The following SPTAN1 variants were observed in gnomAD, a reference collection of about 807,000 sequenced individuals.
The protein encoded by SPTAN1 is spectrin alpha, non-erythrocytic 1.
Under a neutral mutation model 331.3 loss-of-function variants are expected in SPTAN1, and 61 were observed. The ratio of observed to expected loss-of-function variants is 0.18; its 90% CI spans 0.15 to 0.23. The LOEUF (loss-of-function observed/expected upper bound fraction) is 0.23, where lower values mean the gene tolerates loss of function less well. Ranked by LOEUF, SPTAN1 falls within the 10% of genes least tolerant of loss-of-function variation. The probability of loss-of-function intolerance (pLI) is 1.00; values close to 1 mark genes in which losing one functional copy is unlikely to be tolerated. For synonymous variants in SPTAN1, 1,153 were observed against 1,173.9 expected (o/e 0.98, Z 0.36); for missense variants, 2,043 against 3,147.9 (o/e 0.65, Z 8.40).
intron 31 of SPTAN1, among the ~76,000 whole-genome samples, chr9:128,606,155 A>G (rs1855817961): frequency 6.6e-6 from 1 of 151,860 alleles, no homozygotes; most frequent in Non-Finnish European, 1.5e-5. Flanking sequence ...GTGGATCACG[A>G]GGTCAGGAAT....
At chr9:128,568,736 G>C (rs776765827) in intron 2 of SPTAN1, 36 bp from the exon 3 acceptor site, 2 of 1,613,150 alleles carry the variant, frequency 1.2e-6, no homozygotes, top group South Asian at 2.2e-5. Context: ...ATGCTGTGTG[G>C]TTGCGTCTGA....
chr9:128,585,669 C>A, intron 18 of SPTAN1, 79 bp from the exon 19 acceptor site: 2 of 1,223,986 alleles, frequency 1.6e-6, no homozygotes, highest in Non-Finnish European at 2.4e-6. Context: ...GCCGTGAACA[C>A]ACAGAGAAAA....
rs1855686063 is a variant in SPTAN1 at position 128,605,311 on chromosome 9, G to C, written c.3880G>C (p.Glu1294Gln). ...CTTCCCATAGGTAAACTCCCTTGGT[G>C]AAACAGCAGAGCGCCTGATCCAGTC... ...ALGDKVNSLG[E>Q]TAERLIQSHP... is the part of the protein sequence containing the mutation. Residue 1294 changes from glutamate (E) to glutamine (Q), a missense_variant, in exon 31 of 57, where the codon GAA becomes CAA. By Grantham distance (29) the Glu-to-Gln change is conservative (BLOSUM62 2). Transcript: ENST00000372739. 6.2e-7 allele frequency: 1 copy of C among 1,614,068 alleles called. No individual in the cohort carries two copies. The highest frequency in any genetic ancestry group is 1.3e-5 in the African/African-American group (1 of 74,904).
chr9:128,585,645 A>G, intron 18 of SPTAN1, 103 bp from the exon 19 acceptor site: 1 of 963,038 alleles, frequency 1.0e-6, no homozygotes, highest in Non-Finnish European at 1.7e-6. Flanking sequence ...TCACCAAAAC[A>G]TAGTAATGAA....
At chr9:128,555,397 C>G in intron 1 of SPTAN1, 1 of 1,289,458 alleles carries the variant, frequency 7.8e-7, no homozygotes, top group Non-Finnish European at 1.0e-6. Context: ...ACGCAGAGTC[C>G]AGGTATTTGA....
chr9:128,613,324 C>A, intron 39 of SPTAN1, 57 bp from the exon 40 acceptor site: 1 of 1,490,606 alleles, frequency 6.7e-7, no homozygotes, highest in Non-Finnish European at 9.4e-7. Flanking sequence ...CTGAATTTTC[C>A]AGAATGCTGA....
At chr9:128,564,900 A>G (rs1451172089) in intron 1 of SPTAN1, among the ~76,000 whole-genome samples, 1 of 152,202 alleles carries the variant, frequency 6.6e-6, no homozygotes, top group Non-Finnish European at 1.5e-5. Flanking sequence ...CAGAAAGAAT[A>G]CTTCTATCCG....
intron 1 of SPTAN1, among the ~76,000 whole-genome samples, chr9:128,564,962 G>A (rs1420494424): frequency 6.6e-6 from 1 of 152,172 alleles, no homozygotes; most frequent in Non-Finnish European, 1.5e-5. Flanking sequence ...GGCATGTTGG[G>A]CCAGATTGTG....
chr9:128,617,549 ATGTC>A, intron 41 of SPTAN1, 87 bp from the exon 42 acceptor site: 1 of 1,586,842 alleles, frequency 6.3e-7, no homozygotes, highest in Non-Finnish European at 8.6e-7. Context: ...AGATTAGTAG[ATGTC>A]TGTGAGGTCC....
intron 31 of SPTAN1, among the ~76,000 whole-genome samples, chr9:128,606,365 ACT>A (rs1163707529): frequency 3.4e-5 from 1 of 29,390 alleles, no homozygotes; most frequent in Admixed American, 6.2e-4. Context: ...ATGGAGCAAG[ACT>A]CTGCCTCAAA....
chr9:128,582,439 A>C (rs774982753), intron 12 of SPTAN1, 40 bp from the exon 13 acceptor site: 1 of 1,573,568 alleles, frequency 6.4e-7, no homozygotes, highest in Admixed American at 1.7e-5. Context: ...GCTTGGGACT[A>C]GTGTGCTTAC....
intron 16 of SPTAN1, 143 bp from the exon 17 acceptor site, chr9:128,584,139 G>C (rs1589217781): frequency 6.8e-7 from 1 of 1,469,578 alleles, no homozygotes; most frequent in Non-Finnish European, 9.4e-7. Context: ...TCATCCCTTA[G>C]AGCTTTCTAG....
intron 2 of SPTAN1, 144 bp from the exon 3 acceptor site, chr9:128,568,628 G>T: frequency 8.9e-7 from 1 of 1,129,076 alleles, no homozygotes; most frequent in Non-Finnish European, 1.3e-6. Context: ...AATTGAGCAG[G>T]TAAGAGAATG....
Position 128,609,137 on chromosome 9 carries a change from A to G in SPTAN1, c.4611A>G (p.Lys1537=). ...ACTCTTTCAGGTGGCGACGTCTGAA[A>G]GCCCAGATGATTGAGAAAAGGTCAA... ...NEVLDRWRRL[K]AQMIEKRSKL... Residue 1537 remains lysine, a synonymous_variant, in exon 36 of 57, where the codon AAA becomes AAG. Coordinates refer to ENST00000372739, the MANE Select transcript of SPTAN1 (RefSeq NM_001130438.3). The G allele has an allele frequency of 6.2e-7, 1 of 1,614,218 alleles. No homozygotes were observed. Among genetic ancestry groups the G allele is most frequent in the Non-Finnish European group, 8.5e-7 (1 of 1,180,042 alleles).
chr9:128,560,913 G>A (rs562771052), intron 1 of SPTAN1, among the ~76,000 whole-genome samples: 16 of 151,294 alleles, frequency 1.1e-4, no homozygotes, highest in Admixed American at 5.3e-4. Flanking sequence ...CTACTGGGGA[G>A]GCTGAGGCAG....
At position 128,627,980 on chromosome 9, in the gene SPTAN1, T is replaced by TG. The variant is rs759866080; in HGVS notation, c.6707+43dup. Reference sequence around the variant, plus strand: ...TTCTTCCTTCTCTGGGCTTGTCATGTGGGGGTCTCGTGCGCTTGCCCCTCG... The same window carrying TG: ...TTCTTCCTTCTCTGGGCTTGTCATGTGGGGGGTCTCGTGCGCTTGCCCCTCG... On this transcript the variant is annotated intron_variant, in intron 51 of 56. Transcript: ENST00000372739. This position sits in a 1 kb window ranked among gnomAD's most constrained non-coding sequence, Gnocchi z 4.9. 1 of 1,613,940 alleles carries TG rather than the reference T, an allele frequency of 6.2e-7. No homozygotes were observed. Among genetic ancestry groups the TG allele is most frequent in the South Asian group, 1.1e-5 (1 of 91,082 alleles).
chr9:128,611,462 C>G (rs1856548819), intron 37 of SPTAN1: 1 of 456,006 alleles, frequency 2.2e-6, no homozygotes, highest in South Asian at 2.1e-5. Context: ...TGAGCAAGAC[C>G]CTGTCTCAAA....
At chr9:128,571,234 G>C (rs1850689615) in intron 3 of SPTAN1, among the ~76,000 whole-genome samples, 1 of 151,688 alleles carries the variant, frequency 6.6e-6, no homozygotes, top group African/African-American at 2.4e-5. Flanking sequence ...AGGCTGCAGT[G>C]AGCCATGATT....
chr9:128,633,408 T>G lies in SPTAN1; in HGVS notation c.*74T>G, dbSNP rs1441942865. 6.2e-7 allele frequency: 1 copy of G among 1,606,684 alleles called. No homozygotes were observed. The highest frequency in any genetic ancestry group is 8.5e-7 in the Non-Finnish European group (1 of 1,177,286). ...GCTGCATGTCCGCTCCTCTGTGTGC[T>G]CTCACTTTCCACTGTAACCTTAAGC... On this transcript the variant is annotated 3_prime_UTR_variant, in exon 57 of 57. Coordinates refer to ENST00000372739, the MANE Select transcript of SPTAN1 (RefSeq NM_001130438.3).
Sources: allele counts gnomAD v4.1 joint callset (sites outside exome capture counted in the v4.1 genomes callset), GRCh38; gene constraint gnomAD v4.1.1; non-coding constraint Gnocchi (gnomAD v3.1); transcripts MANE v1.5; gene names NCBI Gene and HGNC (gene_info 2026-07-23, HGNC 2026-07-21).